Variants in MMRN1 observed in about 807,000 individuals in gnomAD.
MMRN1 encodes the protein multimerin-1.
In MMRN1, 94 loss-of-function variants were observed where a neutral mutation model predicts 100.7. The ratio of observed to expected loss-of-function variants is 0.93; its 90% CI spans 0.79 to 1.11. MMRN1 has a LOEUF of 1.11. MMRN1 is among the 50% of genes least tolerant of loss of function. The pLI is 0.00. For synonymous variants in MMRN1, 575 were observed against 505.0 expected (o/e 1.14, Z -1.86); for missense variants, 1,606 against 1,439.1 (o/e 1.12, Z -1.88).
chr4:89,925,327 T>C (rs1578486703), intron 4 of MMRN1, among the ~76,000 whole-genome samples: 1 of 135,148 alleles, frequency 7.4e-6, no homozygotes, highest in African/African-American at 3.0e-5. Context: ...TTTTTTTTTT[T>C]TGTAGAGACG....
chr4:89,929,741 A>G (rs1428829154), intron 5 of MMRN1, among the ~76,000 whole-genome samples: 1 of 152,146 alleles, frequency 6.6e-6, no homozygotes, highest in Non-Finnish European at 1.5e-5. Context: ...CACAGTCATT[A>G]ATTATAAGAA....
At chr4:89,893,668 T>C (rs746132485), upstream of MMRN1, among the ~76,000 whole-genome samples, 1 of 152,108 alleles carries the variant, frequency 6.6e-6, no homozygotes, top group Non-Finnish European at 1.5e-5. Flanking sequence ...CCAAATAACA[T>C]AACAGACATT....
intron 6 of MMRN1, among the ~76,000 whole-genome samples, chr4:89,937,216 G>A (rs1296925052): frequency 1.3e-5 from 2 of 152,078 alleles, no homozygotes; most frequent in Non-Finnish European, 2.9e-5. Flanking sequence ...ATGATCATCT[G>A]ACAATGAATG....
Position 89,940,348 on chromosome 4 carries a change from C to T in MMRN1, c.3118+3550C>T, listed in dbSNP as rs555460711. On this transcript the variant is annotated intron_variant, in intron 6 of 7. Transcript: ENST00000264790. Reference sequence around the variant, plus strand: ...CAATTTAGCTCCCCTTCATAAACCTCTCTTATTAATAATTATTCCTGTACT... The same window carrying T: ...CAATTTAGCTCCCCTTCATAAACCTTTCTTATTAATAATTATTCCTGTACT... Among the ~76,000 whole-genome samples, 22 of 152,172 alleles carry T rather than the reference C, an allele frequency of 1.4e-4. 1 individual carries two copies. Among genetic ancestry groups the T allele is most frequent in the Middle Eastern group, 3.4e-3 (1 of 294 alleles).
intron 3 of MMRN1, among the ~76,000 whole-genome samples, chr4:89,915,772 C>T (rs116418979): frequency 0.015 from 2,254 of 151,608 alleles, 67 homozygotes; most frequent in African/African-American, 0.051. Context: ...AAATATATTG[C>T]ATTTTAAAAA....
intron 2 of MMRN1, 94 bp downstream of exon 2, chr4:89,909,489 C>T: frequency 1.4e-6 from 2 of 1,448,226 alleles, no homozygotes; most frequent in Middle Eastern, 1.8e-4. Context: ...GTACATAATA[C>T]ATAGTAGGGT....
At chr4:89,884,172 T>A (rs1720882505) in intron 1 of MMRN1, among the ~76,000 whole-genome samples, 1 of 152,104 alleles carries the variant, frequency 6.6e-6, no homozygotes, top group African/African-American at 2.4e-5. Flanking sequence ...TGGAAAATTG[T>A]TTGAGTTTTT....
At chr4:89,908,408 A>C (rs927405592) in intron 1 of MMRN1, among the ~76,000 whole-genome samples, 2 of 151,368 alleles carry the variant, frequency 1.3e-5, no homozygotes, top group Non-Finnish European at 3.0e-5. Flanking sequence ...AGCTCATTTA[A>C]CTCCTTATAT....
In MMRN1 at chr4:89,936,503, G is replaced by A; in HGVS notation, c.2823G>A (p.Leu941=). 1.2e-6 allele frequency: 2 copies of A among 1,613,232 alleles called. No homozygotes were observed. Among genetic ancestry groups the A allele is most frequent in the Non-Finnish European group, 1.7e-6 (2 of 1,179,680 alleles). ...ATGCTTCTACAAGTGTGTCAGAACT[G>A]AATGCTACCATCCCTAAGTGGATAA... The part of the protein sequence containing the change: ...CHNASTSVSE[L]NATIPKWIKH... Residue 941 remains leucine (L), a synonymous_variant, in exon 6 of 8, where the codon CTG becomes CTA. Coordinates refer to ENST00000264790, the MANE Select transcript of MMRN1 (RefSeq NM_007351.3).
chr4:89,892,817 T>A (rs2057753860), upstream of MMRN1, among the ~76,000 whole-genome samples: 1 of 152,026 alleles, frequency 6.6e-6, no homozygotes, highest in African/African-American at 2.4e-5. Flanking sequence ...GGTGACATTT[T>A]ACCACTAAAG....
In MMRN1 at chr4:89,954,542, T is replaced by A. The variant is rs1723286780; in HGVS notation, c.*1124T>A. 1 of 152,186 alleles carries A rather than the reference T, an allele frequency of 6.6e-6. No homozygotes were observed. The highest frequency in any genetic ancestry group is 6.6e-5 in the Admixed American group (1 of 15,254). The allele number at this position is 152,186 out of a possible 1,614,324, so 9.4% of individuals were successfully genotyped here. A position where few individuals can be genotyped will look rare whatever the true frequency, so the allele number is the denominator to read the frequency against. ...TGTGGTGAACATGCTTAAAAATACA[T>A]TCCTTGGATATCTGACAACGTGTTT... is the stretch of plus-strand genomic sequence containing the variant. On this transcript the variant is annotated 3_prime_UTR_variant, in exon 8 of 8. Transcript: ENST00000264790.
In MMRN1 at chr4:89,895,512, G is replaced by A; in HGVS notation, c.541G>A (p.Glu181Lys). ...AGGCGTGGGAAATCGAGCCCCACGG[G>A]AAACATACCTCAGCCGGGGTGACAG... ...TGGVGNRAPR[E>K]TYLSRGDSSS... Residue 181 changes from glutamate to lysine, a missense_variant, in exon 1 of 8, where the codon GAA becomes AAA. Glu to Lys is a moderately conservative substitution (Grantham distance 56). Coordinates refer to ENST00000264790, the MANE Select transcript of MMRN1 (RefSeq NM_007351.3). 6.2e-7 allele frequency: 1 copy of A among 1,613,782 alleles called. No homozygotes were observed. The highest frequency in any genetic ancestry group is 2.2e-5 in the East Asian group (1 of 44,756).
At chr4:89,927,320 G>C (rs1338190009) in intron 4 of MMRN1, among the ~76,000 whole-genome samples, 1 of 152,000 alleles carries the variant, frequency 6.6e-6, no homozygotes, top group Non-Finnish European at 1.5e-5. Context: ...TTTCATTATA[G>C]TGACCTTCCA....
chr4:89,896,435 G>A (rs1478936605), intron 1 of MMRN1, among the ~76,000 whole-genome samples: 8 of 152,156 alleles, frequency 5.3e-5, no homozygotes, highest in African/African-American at 1.7e-4. Context: ...TTCAAAAGAA[G>A]TGATAGTCAA....
Position 89,953,511 on chromosome 4 carries a change from T to C in MMRN1, c.*93T>C. ...CACATCTGCTCTGTTTTGGTTTTTC[T>C]ACAGGAAATGAAAATCAACTTGTTT... On this transcript the variant is annotated 3_prime_UTR_variant, in exon 8 of 8. Coordinates refer to ENST00000264790, the MANE Select transcript of MMRN1 (RefSeq NM_007351.3). The C allele has an allele frequency of 6.9e-6, 8 of 1,162,698 alleles. No homozygotes were observed. Among genetic ancestry groups the C allele is most frequent in the Non-Finnish European group, 1.2e-6 (1 of 852,820 alleles). The allele number at this position is 1,162,698 out of a possible 1,614,324, so 72.0% of individuals were successfully genotyped here.
At chr4:89,918,457 CA>C (rs1466974035) in intron 3 of MMRN1, among the ~76,000 whole-genome samples, 1 of 151,816 alleles carries the variant, frequency 6.6e-6, no homozygotes, top group African/African-American at 2.4e-5. Context: ...GCTGTAACAT[CA>C]CAGGCTATCT....
chr4:89,881,091 C>T lies in MMRN1; in HGVS notation c.-249+1489C>T, dbSNP rs190475884. Among the ~76,000 whole-genome samples the T allele has an allele frequency of 1.3e-5, 2 of 152,048 alleles. 1 individual carries two copies. The highest frequency in any genetic ancestry group is 4.1e-4 in the South Asian group (2 of 4,826). ...AATGCAAATCTGCAGAATTGCTTTGCCTGTATTCACTGGAACTTTTTCAGT... is the reference window on the plus strand; with the variant it reads ...AATGCAAATCTGCAGAATTGCTTTGTCTGTATTCACTGGAACTTTTTCAGT... On this transcript the variant is annotated intron_variant, in intron 1 of 8. Coordinates refer to the MMRN1 transcript ENST00000394980.
chr4:89,951,429 G>A (rs529211825), intron 6 of MMRN1, 176 bp from the exon 7 acceptor site: 7 of 506,392 alleles, frequency 1.4e-5, no homozygotes, highest in African/African-American at 1.2e-4. Context: ...AGAGATCAGA[G>A]CTAAGGGATT....
At chr4:89,888,443 GT>G (rs34226004) in intron 1 of MMRN1, among the ~76,000 whole-genome samples, 9,987 of 143,364 alleles carry the variant, frequency 0.07, 545 homozygotes, top group African/African-American at 0.16. Flanking sequence ...GATATGGCGT[GT>G]TTTTTTTTTT....
Sources: allele counts gnomAD v4.1 joint callset (sites outside exome capture counted in the v4.1 genomes callset), GRCh38; gene constraint gnomAD v4.1.1; transcripts MANE v1.5; gene names NCBI Gene and HGNC (gene_info 2026-07-23, HGNC 2026-07-21).